ADGRB3: variants seen among roughly 807,000 people sequenced by gnomAD.
ADGRB3 encodes brain-specific angiogenesis inhibitor 3.
ADGRB3 carries 37 observed loss-of-function variants against 193.4 expected under a neutral mutation model. The observed-to-expected ratio is 0.19, with a 90% CI of 0.15 to 0.25. The LOEUF (loss-of-function observed/expected upper bound fraction) is 0.25, where lower values mean the gene tolerates loss of function less well. Ranked by LOEUF, ADGRB3 falls within the 10% of genes least tolerant of loss-of-function variation. ADGRB3 has a pLI of 1.00. For missense variants in ADGRB3, 1,637 were observed against 1,852.9 expected (o/e 0.88, Z 2.14); for synonymous variants, 690 against 644.2 (o/e 1.07, Z -1.08).
At chr6:69,062,398 A>G (rs1355769241) in intron 15 of ADGRB3, among the ~76,000 whole-genome samples, 2 of 152,032 alleles carry the variant, frequency 1.3e-5, no homozygotes, top group South Asian at 2.1e-4. Context: ...GTCAATCTCT[A>G]TTGTCGAAAT....
chr6:69,012,114 T>C (rs1262827445), intron 11 of ADGRB3, among the ~76,000 whole-genome samples: 1 of 152,126 alleles, frequency 6.6e-6, no homozygotes, highest in Non-Finnish European at 1.5e-5. Context: ...ATTGTCTTCA[T>C]CAAGGAATTT....
At chr6:68,857,078 AACCTCC>A (rs1400939486) in intron 3 of ADGRB3, among the ~76,000 whole-genome samples, 1 of 152,218 alleles carries the variant, frequency 6.6e-6, no homozygotes. Flanking sequence ...GAGGTTGGGG[AACCTCC>A]ACCTAGATTT....
At chr6:68,744,486 C>A (rs1246435857) in intron 3 of ADGRB3, among the ~76,000 whole-genome samples, 1 of 152,074 alleles carries the variant, frequency 6.6e-6, no homozygotes, top group African/African-American at 2.4e-5. Flanking sequence ...TGGAACCAGA[C>A]CAAAAGCCCA....
At chr6:68,872,843 T>A (rs6925795) in intron 3 of ADGRB3, among the ~76,000 whole-genome samples, 2,292 of 152,220 alleles carry the variant, frequency 0.015, 48 homozygotes, top group African/African-American at 0.052. Flanking sequence ...GGGTTCTGTG[T>A]CAGTGGCCCA....
chr6:68,879,980 T>C (rs968709582), intron 3 of ADGRB3, among the ~76,000 whole-genome samples: 7 of 152,242 alleles, frequency 4.6e-5, no homozygotes, highest in African/African-American at 1.7e-4. Flanking sequence ...AATGTGTCTA[T>C]ATGGCAGCCA....
chr6:69,037,954 T>C (rs1444296266), intron 13 of ADGRB3, among the ~76,000 whole-genome samples: 1 of 152,166 alleles, frequency 6.6e-6, no homozygotes, highest in Non-Finnish European at 1.5e-5. Context: ...CTTGTCTGTG[T>C]CTCCCCAAAT....
At chr6:68,895,423 A>G (rs1766192520) in intron 3 of ADGRB3, among the ~76,000 whole-genome samples, 1 of 152,016 alleles carries the variant, frequency 6.6e-6, no homozygotes, top group Non-Finnish European at 1.5e-5. Context: ...CTGGGGTTCT[A>G]GCCATACACC....
intron 15 of ADGRB3, among the ~76,000 whole-genome samples, chr6:69,060,051 G>A (rs1051074322): frequency 6.6e-6 from 1 of 152,044 alleles, no homozygotes; most frequent in Non-Finnish European, 1.5e-5. Context: ...AGAGGTAGGT[G>A]CACGTTACTG....
intron 3 of ADGRB3, among the ~76,000 whole-genome samples, chr6:68,828,961 T>G (rs768699584): frequency 2.2e-4 from 34 of 152,210 alleles, no homozygotes; most frequent in Non-Finnish European, 4.1e-4. Flanking sequence ...ATCTTATAAT[T>G]TTTAAAATTT....
intron 3 of ADGRB3, among the ~76,000 whole-genome samples, chr6:68,832,206 T>G (rs1290912501): frequency 6.6e-6 from 1 of 152,136 alleles, no homozygotes; most frequent in Non-Finnish European, 1.5e-5. Flanking sequence ...TAGAAAGACA[T>G]TCAGAAAGTA....
intron 3 of ADGRB3, among the ~76,000 whole-genome samples, chr6:68,790,995 C>T (rs949106854): frequency 2.0e-5 from 3 of 149,662 alleles, no homozygotes; most frequent in Non-Finnish European, 3.0e-5. Context: ...GAGAGGATCG[C>T]TTGAGGCCGG....
chr6:68,922,024 A>T (rs1767057581), intron 3 of ADGRB3, among the ~76,000 whole-genome samples: 1 of 152,106 alleles, frequency 6.6e-6, no homozygotes, highest in East Asian at 2.0e-4. Context: ...CTAAATTAAA[A>T]GTTAGTTATA....
Position 69,361,375 on chromosome 6 carries a change from G to T in ADGRB3, c.4102G>T (p.Ala1368Ser), listed in dbSNP as rs767038879. The T allele has an allele frequency of 1.2e-6, 2 of 1,612,908 alleles. No homozygotes were observed. The highest frequency in any genetic ancestry group is 8.5e-7 in the Non-Finnish European group (1 of 1,179,214). ...CAATATGAACTTAGAGCAACATCTC[G>T]CACCCCAGGAACATATGCAGAATTT... is the stretch of plus-strand genomic sequence containing the variant. The part of the protein sequence containing the change: ...QFNMNLEQHL[A>S]PQEHMQNLPF... The change falls in exon 29 of 32, where the codon GCA (alanine) becomes TCA (serine). Residue 1368 changes from alanine to serine, a missense_variant. By Grantham distance (99) the Ala-to-Ser change is moderately conservative. Coordinates refer to ENST00000370598, the MANE Select transcript of ADGRB3 (RefSeq NM_001704.3).
intron 3 of ADGRB3, among the ~76,000 whole-genome samples, chr6:68,716,884 T>G (rs1582143396): frequency 6.6e-6 from 1 of 151,876 alleles, no homozygotes; most frequent in African/African-American, 2.4e-5. Flanking sequence ...AATGATTTAG[T>G]TTCTATGAGC....
intron 17 of ADGRB3, among the ~76,000 whole-genome samples, chr6:69,142,125 A>G (rs1758621037): frequency 6.6e-6 from 1 of 152,246 alleles, no homozygotes; most frequent in Admixed American, 6.5e-5. Context: ...CTTTTTAAAA[A>G]TATAATATCT....
At chr6:69,387,414 C>T (rs1211591417) in intron 31 of ADGRB3, among the ~76,000 whole-genome samples, 1 of 152,124 alleles carries the variant, frequency 6.6e-6, no homozygotes, top group Non-Finnish European at 1.5e-5. Flanking sequence ...AATTAATTCC[C>T]TCCACACATC....
chr6:69,225,799 T>A (rs979467708), intron 17 of ADGRB3, among the ~76,000 whole-genome samples: 2 of 152,164 alleles, frequency 1.3e-5, no homozygotes, highest in Non-Finnish European at 2.9e-5. Flanking sequence ...GTGTAAGAAA[T>A]TTTTTAAAGT....
rs1242613200 is a variant in ADGRB3 at position 68,846,795 on chromosome 6, G to A, written c.758-83764G>A. 3.3e-5 allele frequency among the ~76,000 whole-genome samples: 5 copies of A among 152,040 alleles called. No homozygotes were observed. The Admixed American group carries it at 3.3e-4, about 10-fold the overall frequency. On this transcript the variant is annotated intron_variant, in intron 3 of 31. Coordinates refer to ENST00000370598, the MANE Select transcript of ADGRB3 (RefSeq NM_001704.3). ...TAGGACAATGTGGAAGGGAAATGTA[G>A]GGTCAGAGCCCTCACACAGAGTCCC...
At chr6:69,261,137 A>G (rs938488624) in intron 20 of ADGRB3, among the ~76,000 whole-genome samples, 23 of 152,198 alleles carry the variant, frequency 1.5e-4, no homozygotes, top group African/African-American at 5.3e-4. Context: ...ACACACAAAA[A>G]TACAAGGAAA....
Sources: gnomAD v4.1 joint callset for allele counts (sites outside exome capture counted in the v4.1 genomes callset) on GRCh38, gnomAD v4.1.1 for gene constraint, MANE v1.5 for transcripts, NCBI Gene and HGNC (gene_info 2026-07-23, HGNC 2026-07-21) for gene names.